Variants in CPS1 observed in about 807,000 individuals in gnomAD.
CPS1 encodes carbamoyl-phosphate synthase 1.
Under a neutral mutation model 174.6 loss-of-function variants are expected in CPS1, and 109 were observed. The observed-to-expected ratio is 0.62, with a 90% CI of 0.53 to 0.73. The LOEUF is 0.73. CPS1 is among the 30% of genes least tolerant of loss of function. CPS1 has a pLI of 0.00. For synonymous variants in CPS1, 637 were observed against 632.0 expected (o/e 1.01, Z -0.12); for missense variants, 1,689 against 1,821.9 (o/e 0.93, Z 1.33).
Position 210,675,826 on chromosome 2 carries a change from C to G in CPS1, c.4260C>G (p.Leu1420=), listed in dbSNP as rs138395129. Residue 1420 remains leucine (L), a synonymous_variant, in exon 36 of 38, where the codon CTC becomes CTG. Transcript: ENST00000233072. ...WPSQEGQNPS[L]SSIRKLIRDG... ...CTCAAGAAGGACAGAATCCCAGCCT[C>G]TCTTCCATCAGAAAGTAAGAACTAG... The G allele has an allele frequency of 1.1e-3, 1,660 of 1,527,520 alleles. 19 individuals carry two copies. The African/African-American group carries it at 0.02, about 19-fold the overall frequency. The allele number at this position is 1,527,520 out of a possible 1,614,324, so 94.6% of individuals were successfully genotyped here.
chr2:210,599,261 C>A, intron 13 of CPS1, 111 bp from the exon 14 acceptor site: 1 of 923,218 alleles, frequency 1.1e-6, no homozygotes, highest in Non-Finnish European at 1.8e-6. Flanking sequence ...CGGATCTCTA[C>A]GGCCCACAGA....
At chr2:210,580,611 C>G (rs979053441) in intron 5 of CPS1, among the ~76,000 whole-genome samples, 1 of 152,004 alleles carries the variant, frequency 6.6e-6, no homozygotes, top group Non-Finnish European at 1.5e-5. Context: ...CCTGTAATCC[C>G]AGCACTTTGG....
At chr2:210,584,627 C>T (rs1698046025) in intron 6 of CPS1, among the ~76,000 whole-genome samples, 3 of 152,124 alleles carry the variant, frequency 2.0e-5, no homozygotes, top group Admixed American at 6.6e-5. Flanking sequence ...AGTTAATTTT[C>T]ATAAAAACTC....
intron 24 of CPS1, among the ~76,000 whole-genome samples, chr2:210,640,311 C>T (rs968965788): frequency 6.6e-6 from 1 of 152,104 alleles, no homozygotes; most frequent in African/African-American, 2.4e-5. Context: ...TAATTTTCAT[C>T]CTTTTTAACT....
intron 3 of CPS1, 60 bp from the exon 4 acceptor site, chr2:210,577,361 T>G (rs1697747448): frequency 3.1e-6 from 4 of 1,297,100 alleles, no homozygotes; most frequent in African/African-American, 2.9e-5. Context: ...GCAAATTGAC[T>G]CACAAGAGTT....
chr2:210,556,334 T>C (rs780730695), upstream of CPS1: 10 of 459,982 alleles, frequency 2.2e-5, no homozygotes, highest in South Asian at 1.4e-4. Context: ...CTGTGATCCT[T>C]AGCATGTTGG....
At chr2:210,483,451 T>G (rs1220636852) in intron 1 of CPS1, among the ~76,000 whole-genome samples, 3 of 152,242 alleles carry the variant, frequency 2.0e-5, no homozygotes, top group African/African-American at 7.2e-5. Context: ...GTTATCTCAC[T>G]GTTCCAAGGT....
chr2:210,486,807 G>A (rs903939404), intron 1 of CPS1, among the ~76,000 whole-genome samples: 1 of 152,194 alleles, frequency 6.6e-6, no homozygotes, highest in Non-Finnish European at 1.5e-5. Flanking sequence ...ACTGCGCCCA[G>A]CTAGCTCTTT....
Position 210,594,589 on chromosome 2 carries a change from G to A in CPS1, c.1246G>A (p.Val416Ile), listed in dbSNP as rs1227211555. 6.2e-7 allele frequency: 1 copy of A among 1,610,760 alleles called. No homozygotes were observed. The highest frequency in any genetic ancestry group is 1.3e-5 in the African/African-American group (1 of 74,720). The change falls in exon 12 of 38, where the codon GTT becomes ATT. Residue 416 changes from valine (V) to isoleucine (I), a missense_variant. Coordinates refer to ENST00000233072, the MANE Select transcript of CPS1 (RefSeq NM_001875.5). ...ITSVLPKPAL[V>I]ASRVEVSKVL... is the part of the protein sequence containing the mutation. Reference sequence around the variant, plus strand: ...ATCAGTCTTACCGAAGCCAGCACTAGTTGCATCTCGGGTTGAGGTCAGTAT... The same window carrying A: ...ATCAGTCTTACCGAAGCCAGCACTAATTGCATCTCGGGTTGAGGTCAGTAT...
intron 20 of CPS1, among the ~76,000 whole-genome samples, chr2:210,614,758 A>G (rs960427374): frequency 2.6e-5 from 4 of 152,000 alleles, no homozygotes; most frequent in African/African-American, 7.2e-5. Context: ...GCTGGAAACC[A>G]TCATTCTCAG....
At position 210,678,833 on chromosome 2, in the gene CPS1, G is replaced by A. The variant is rs142796725; in HGVS notation, c.*848G>A. 5.3e-5 allele frequency: 8 copies of A among 152,240 alleles called. No individual in the cohort carries two copies. The highest frequency in any genetic ancestry group is 9.6e-5 in the African/African-American group (4 of 41,530). 9.4% of individuals were successfully genotyped at this position (152,240 alleles called of 1,614,324 possible). On this transcript the variant is annotated 3_prime_UTR_variant, in exon 38 of 38. Coordinates refer to ENST00000233072, the MANE Select transcript of CPS1 (RefSeq NM_001875.5). ...TTATCATTGGATTTTAACTTGGCCC[G>A]AGTGAAATAATCAGATTTTTGTCAT...
chr2:210,583,246 T>C lies in CPS1; in HGVS notation c.621+537T>C, dbSNP rs151023633. Among the ~76,000 whole-genome samples, 625 of 152,272 alleles carry C rather than the reference T, an allele frequency of 4.1e-3. 6 individuals are homozygous for C. Among genetic ancestry groups the C allele is most frequent in the African/African-American group, 0.014 (568 of 41,564 alleles). On this transcript the variant is annotated intron_variant, in intron 6 of 37. Transcript: ENST00000233072. ...AAGTGAAATATCTTTAGTATACATT[T>C]ATAAAAAGGTAAAGAATACATTTTA...
At chr2:210,568,108 A>T (rs1433866935) in intron 1 of CPS1, among the ~76,000 whole-genome samples, 1 of 152,192 alleles carries the variant, frequency 6.6e-6, no homozygotes, top group African/African-American at 2.4e-5. Flanking sequence ...TACGGTAGAT[A>T]AATACCTTTA....
At chr2:210,652,199 A>C (rs999954855) in intron 28 of CPS1, among the ~76,000 whole-genome samples, 2 of 152,256 alleles carry the variant, frequency 1.3e-5, no homozygotes, top group Non-Finnish European at 2.9e-5. Context: ...CTGATAAAGC[A>C]TTCCTTATAT....
intron 1 of CPS1, chr2:210,519,854 C>T: frequency 3.3e-6 from 3 of 910,278 alleles, no homozygotes; most frequent in Non-Finnish European, 3.9e-6. Context: ...TGGCTTTGTT[C>T]TGGGTTGTAG....
chr2:210,659,970 CATAG>C (rs897093001), intron 31 of CPS1, among the ~76,000 whole-genome samples: 24 of 152,172 alleles, frequency 1.6e-4, no homozygotes, highest in African/African-American at 5.5e-4. Context: ...GATTATTACA[CATAG>C]ATAGAACATC....
chr2:210,637,705 G>A lies in CPS1; in HGVS notation c.2691G>A (p.Glu897=). The A allele has an allele frequency of 6.2e-7, 1 of 1,613,926 alleles. No individual in the cohort carries two copies. The highest frequency in any genetic ancestry group is 2.2e-5 in the East Asian group (1 of 44,874). The change falls in exon 22 of 38, where the codon GAG becomes GAA. Residue 897 remains glutamate, a synonymous_variant. Transcript: ENST00000233072. The part of the protein sequence containing the change: ...MEKTLKGLNS[E]SMTEETLKRA... Reference sequence around the variant, plus strand: ...TCTCTTTTCTATTAAATCCTAGTGAGTCCATGACAGAAGAAACCCTGAAAA... The same window carrying A: ...TCTCTTTTCTATTAAATCCTAGTGAATCCATGACAGAAGAAACCCTGAAAA...
chr2:210,526,298 G>C (rs1417009570), intron 1 of CPS1, among the ~76,000 whole-genome samples: 1 of 151,550 alleles, frequency 6.6e-6, no homozygotes, highest in African/African-American at 2.4e-5. Flanking sequence ...GGGTTGATGG[G>C]TGCAGCAAAC....
At chr2:210,558,788 G>A (rs1265042405) in intron 1 of CPS1, among the ~76,000 whole-genome samples, 1 of 152,034 alleles carries the variant, frequency 6.6e-6, no homozygotes, top group Non-Finnish European at 1.5e-5. Flanking sequence ...CTAATTATGT[G>A]GATGGATTAC....
Sources: allele counts gnomAD v4.1 joint callset (sites outside exome capture counted in the v4.1 genomes callset), GRCh38; gene constraint gnomAD v4.1.1; transcripts MANE v1.5; gene names NCBI Gene and HGNC (gene_info 2026-07-23, HGNC 2026-07-21).